Variants in CCDC178 observed in about 807,000 individuals in gnomAD.
CCDC178 encodes coiled-coil domain containing 178, also known as coiled-coil domain-containing protein 178.
A neutral mutation model predicts 117.4 loss-of-function variants in CCDC178; 126 were observed. The ratio of observed to expected loss-of-function variants is 1.07; its 90% confidence interval spans 0.93 to 1.24. The LOEUF (loss-of-function observed/expected upper bound fraction) is 1.24, where lower values mean the gene tolerates loss of function less well. Ranked by LOEUF, CCDC178 falls within the 50% of genes most tolerant of loss-of-function variation. The probability of loss-of-function intolerance (pLI) is 0.00; values close to 1 mark genes in which losing one functional copy is unlikely to be tolerated. For synonymous variants in CCDC178, 283 were observed against 313.4 expected (o/e 0.90, Z 1.02); for missense variants, 1,030 against 986.9 (o/e 1.04, Z -0.59).
chr18:33,192,464 T>G (rs1252502599), intron 20 of CCDC178, among the ~76,000 whole-genome samples: 1 of 152,190 alleles, frequency 6.6e-6, no homozygotes, highest in African/African-American at 2.4e-5. Context: ...GATGTGGACA[T>G]TAATAATTCC....
intron 20 of CCDC178, among the ~76,000 whole-genome samples, chr18:33,117,609 T>C (rs894478069): frequency 6.6e-6 from 1 of 151,814 alleles, no homozygotes; most frequent in East Asian, 1.9e-4. Context: ...CATTAGGAGA[T>C]ATACCTAATG....
At chr18:32,987,623 T>C (rs1282060562) in intron 21 of CCDC178, among the ~76,000 whole-genome samples, 1 of 152,158 alleles carries the variant, frequency 6.6e-6, no homozygotes, top group African/African-American at 2.4e-5. Context: ...GTAACTTATA[T>C]ACATTAAAAC....
At chr18:33,010,995 C>T (rs1017467957) in intron 21 of CCDC178, among the ~76,000 whole-genome samples, 1 of 152,114 alleles carries the variant, frequency 6.6e-6, no homozygotes, top group Non-Finnish European at 1.5e-5. Context: ...GCTATTCCCC[C>T]AAATTATTAT....
At chr18:32,959,357 T>A (rs2054659662) in intron 22 of CCDC178, among the ~76,000 whole-genome samples, 1 of 152,170 alleles carries the variant, frequency 6.6e-6, no homozygotes, top group Non-Finnish European at 1.5e-5. Context: ...TGAGGTAGGA[T>A]ACATAGTGCA....
chr18:33,179,248 C>A (rs1739130589), intron 20 of CCDC178, among the ~76,000 whole-genome samples: 2 of 148,466 alleles, frequency 1.3e-5, no homozygotes, highest in Non-Finnish European at 3.0e-5. Context: ...ATAAGTTAAT[C>A]ATTACAGTTT....
chr18:33,414,928 C>G (rs1208324625), intron 2 of CCDC178, among the ~76,000 whole-genome samples: 1 of 152,166 alleles, frequency 6.6e-6, no homozygotes, highest in Non-Finnish European at 1.5e-5. Context: ...GACATTTATG[C>G]AGCCAACAGA....
chr18:33,124,915 T>C (rs2057984601), intron 20 of CCDC178, among the ~76,000 whole-genome samples: 1 of 152,202 alleles, frequency 6.6e-6, no homozygotes, highest in Non-Finnish European at 1.5e-5. Context: ...GGTTTTAGTA[T>C]CTGCTAACGC....
chr18:33,312,457 G>C (rs993340417), intron 11 of CCDC178, among the ~76,000 whole-genome samples: 3 of 152,118 alleles, frequency 2.0e-5, no homozygotes, highest in Non-Finnish European at 4.4e-5. Flanking sequence ...CTAAAACCCA[G>C]CTCATGAGGC....
chr18:33,258,073 T>A (rs2059700724), intron 14 of CCDC178, among the ~76,000 whole-genome samples: 1 of 151,618 alleles, frequency 6.6e-6, no homozygotes, highest in Admixed American at 6.6e-5. Flanking sequence ...TTTATCTATA[T>A]GTCTTAATTA....
chr18:33,010,407 G>C (rs1200366711), intron 21 of CCDC178, among the ~76,000 whole-genome samples: 3 of 152,124 alleles, frequency 2.0e-5, no homozygotes, highest in Non-Finnish European at 4.4e-5. Flanking sequence ...CTGTAGTGTG[G>C]GAAATGAACC....
intron 20 of CCDC178, among the ~76,000 whole-genome samples, chr18:33,114,132 C>T (rs1203510805): frequency 6.6e-6 from 1 of 152,046 alleles, no homozygotes; most frequent in Admixed American, 6.6e-5. Flanking sequence ...TCCCCTTCCA[C>T]CCTCATCTTT....
intron 6 of CCDC178, among the ~76,000 whole-genome samples, chr18:33,362,188 T>TACAC (rs1340764525): frequency 7.3e-5 from 1 of 13,650 alleles, no homozygotes; most frequent in Non-Finnish European, 1.5e-4. Context: ...TGTATATATA[T>TACAC]ACATATATAT....
intron 12 of CCDC178, among the ~76,000 whole-genome samples, chr18:33,280,607 A>G (rs2060011710): frequency 6.6e-6 from 1 of 151,960 alleles, no homozygotes; most frequent in Non-Finnish European, 1.5e-5. Context: ...TACTGGGTAT[A>G]TACCCAAAGG....
chr18:33,187,917 T>G (rs2058815782), intron 20 of CCDC178, among the ~76,000 whole-genome samples: 1 of 152,132 alleles, frequency 6.6e-6, no homozygotes, highest in Non-Finnish European at 1.5e-5. Context: ...GAAATCTACT[T>G]AACAGTTTCT....
chr18:33,346,642 ATC>A (rs1399404379), intron 8 of CCDC178, among the ~76,000 whole-genome samples: 7 of 152,118 alleles, frequency 4.6e-5, no homozygotes, highest in Non-Finnish European at 7.4e-5. Context: ...CAATAGCTAA[ATC>A]TCAACCAATA....
intron 20 of CCDC178, among the ~76,000 whole-genome samples, chr18:33,164,365 C>T (rs776399833): frequency 3.3e-5 from 5 of 151,928 alleles, no homozygotes; most frequent in Non-Finnish European, 7.4e-5. Context: ...CCGCCAACCT[C>T]GGCCTCCCAA....
At chr18:33,139,673 A>G (rs2058173794) in intron 20 of CCDC178, among the ~76,000 whole-genome samples, 1 of 152,172 alleles carries the variant, frequency 6.6e-6, no homozygotes, top group Non-Finnish European at 1.5e-5. Flanking sequence ...TCAAGAGGTG[A>G]CTTTGGTGCT....
At chr18:33,310,464 G>T (rs2062325215) in intron 11 of CCDC178, among the ~76,000 whole-genome samples, 1 of 152,168 alleles carries the variant, frequency 6.6e-6, no homozygotes, top group Admixed American at 6.5e-5. Context: ...GCCAAGGGTA[G>T]ATTGCTTGAG....
intron 20 of CCDC178, among the ~76,000 whole-genome samples, chr18:33,157,243 C>T (rs2058411971): frequency 6.6e-6 from 1 of 152,130 alleles, no homozygotes; most frequent in South Asian, 2.1e-4. Flanking sequence ...AGAAATACTT[C>T]TGCCTTTGAC....
Sources: gnomAD v4.1 joint callset for allele counts (sites outside exome capture counted in the v4.1 genomes callset) on GRCh38, gnomAD v4.1.1 for gene constraint, MANE v1.5 for transcripts, NCBI Gene and HGNC (gene_info 2026-07-23, HGNC 2026-07-21) for gene names.